RP1: variants seen among roughly 807,000 people sequenced by gnomAD.
The protein encoded by RP1 is oxygen-regulated protein 1.
A neutral mutation model predicts 14.8 loss-of-function variants in RP1; 16 were observed. The ratio of observed to expected loss-of-function variants is 1.08; its 90% CI spans 0.73 to 1.65. RP1 has a LOEUF of 1.65. Among genes scored for constraint, RP1 ranks in the 40% most tolerant of loss-of-function variants. The probability of loss-of-function intolerance (pLI) is 0.00; values close to 1 mark genes in which losing one functional copy is unlikely to be tolerated. For missense variants in RP1, 2,631 were observed against 2,535.0 expected, an observed-to-expected ratio of 1.04 and a Z score of -0.81; for synonymous variants, 876 against 883.6, an observed-to-expected ratio of 0.99 and a Z score of 0.15.
At chr8:54,860,914 G>C (rs146889623) in intron 27 of RP1, among the ~76,000 whole-genome samples, 4 of 152,204 alleles carry the variant, frequency 2.6e-5, no homozygotes, top group Non-Finnish European at 5.9e-5. Context: ...AGGTAGGCTG[G>C]AGGTGAGGGC....
chr8:54,661,258 A>G (rs948992466), intron 6 of RP1, among the ~76,000 whole-genome samples: 1 of 145,132 alleles, frequency 6.9e-6, no homozygotes, highest in Non-Finnish European at 1.5e-5. Context: ...TGATATATAA[A>G]TGATATATAT....
chr8:54,625,436 T>C lies in RP1; in HGVS notation c.1554T>C (p.Val518=). Reference sequence around the variant, plus strand: ...CAGTATCTAACAAACCAGTACTTGTTCAGATCAATAACAATGATCAAATGG... The same window carrying C: ...CAGTATCTAACAAACCAGTACTTGTCCAGATCAATAACAATGATCAAATGG... ...MSSVSNKPVL[V]QINNNDQMEE... The change falls in exon 4 of 4, where the codon GTT becomes GTC. Residue 518 remains valine (V), a synonymous_variant. Coordinates refer to ENST00000220676, the MANE Select transcript of RP1 (RefSeq NM_006269.2). 1 of 1,613,986 alleles carries C rather than the reference T, an allele frequency of 6.2e-7. No individual in the cohort carries two copies. The highest frequency in any genetic ancestry group is 8.5e-7 in the Non-Finnish European group (1 of 1,180,022).
chr8:54,765,684 T>C (rs1809743515), intron 22 of RP1, among the ~76,000 whole-genome samples: 1 of 152,224 alleles, frequency 6.6e-6, no homozygotes. Context: ...TAGCTCATTA[T>C]ATTCTTTCTT....
chr8:54,679,954 TTGTGG>T, intron 12 of RP1: 1 of 1,535,054 alleles, frequency 6.5e-7, no homozygotes, highest in Non-Finnish European at 8.7e-7. Context: ...CGTACAAAGC[TTGTGG>T]TGCTGGACAG....
intron 19 of RP1, among the ~76,000 whole-genome samples, chr8:54,746,109 A>T (rs1809218553): frequency 6.6e-6 from 1 of 152,250 alleles, no homozygotes; most frequent in East Asian, 1.9e-4. Context: ...ATGATCAGCC[A>T]TTTATAGCCA....
In RP1 at chr8:54,706,559, G is replaced by A. The variant is rs772168997; in HGVS notation, c.2115G>A (p.Trp705Ter). 15 of 1,535,908 alleles carry A rather than the reference G, an allele frequency of 9.8e-6. No individual in the cohort carries two copies. The South Asian group carries it at 1.1e-4, about 11-fold the overall frequency. Residue 705 changes from tryptophan (W) to a stop codon, truncating the protein, a stop_gained, in exon 15 of 23, where the codon TGG (tryptophan) becomes TGA (stop). Transcript: ENST00000636932. LOFTEE classifies it high-confidence loss of function. ...GAAGCCAGTCTGAAAAATCCTACTG[G>A]AAAGTGCATAAAATCAGCTCTGGGA...
chr8:54,853,381 A>T (rs1812100422), intron 26 of RP1, among the ~76,000 whole-genome samples: 1 of 152,218 alleles, frequency 6.6e-6, no homozygotes, highest in African/African-American at 2.4e-5. Context: ...AGGAAGACTC[A>T]GTGGAAGTGT....
chr8:54,627,014 A>G lies in RP1; in HGVS notation c.3132A>G (p.Lys1044=), dbSNP rs35234349. The change falls in exon 4 of 4, where the codon AAA becomes AAG. Residue 1044 remains lysine, a synonymous_variant. Coordinates refer to ENST00000220676, the MANE Select transcript of RP1 (RefSeq NM_006269.2). The stretch of plus-strand genomic sequence containing the variant: ...CTAAAAGTCATATAGCTGCTGAAAA[A>G]TCAGGACCAGAGAAAAAACTTGTTT... The part of the protein sequence containing the change: ...HNTKSHIAAE[K]SGPEKKLVYQ... 6.2e-7 allele frequency: 1 copy of G among 1,613,898 alleles called. No individual in the cohort carries two copies.
At chr8:54,824,973 A>ATTTATTTATTT (rs759970980) in intron 24 of RP1, among the ~76,000 whole-genome samples, 2,779 of 150,194 alleles carry the variant, frequency 0.019, 103 homozygotes, top group African/African-American at 0.065. Flanking sequence ...TTTTTTTTTT[A>ATTTATTTATTT]ATTTATTTAT....
chr8:54,680,255 C>A (rs1442403719), intron 12 of RP1, among the ~76,000 whole-genome samples: 5 of 152,102 alleles, frequency 3.3e-5, no homozygotes, highest in Non-Finnish European at 7.4e-5. Flanking sequence ...TTCAGACATT[C>A]ATAATCTAAT....
intron 18 of RP1, chr8:54,734,808 G>A (rs1808879860): frequency 1.8e-6 from 1 of 564,886 alleles, no homozygotes; most frequent in Non-Finnish European, 2.4e-6. Context: ...TAATGTAGAA[G>A]TGTGTGTGTG....
At chr8:54,719,715 T>C (rs1444220468) in intron 15 of RP1, among the ~76,000 whole-genome samples, 1 of 152,140 alleles carries the variant, frequency 6.6e-6, no homozygotes, top group Non-Finnish European at 1.5e-5. Flanking sequence ...GCACAGAAAA[T>C]TGGTTTACAT....
chr8:54,618,458 C>T (rs567526307), intron 1 of RP1, among the ~76,000 whole-genome samples: 1 of 152,240 alleles, frequency 6.6e-6, no homozygotes, highest in African/African-American at 2.4e-5. Context: ...AACAGCTCTC[C>T]AAATAGTGAG....
At chr8:54,794,431 G>A (rs1259687733) in intron 24 of RP1, among the ~76,000 whole-genome samples, 4 of 151,568 alleles carry the variant, frequency 2.6e-5, no homozygotes, top group African/African-American at 7.3e-5. Context: ...ACGACCGTTT[G>A]TCAATATTTG....
At chr8:54,821,987 C>T (rs540612684) in intron 24 of RP1, among the ~76,000 whole-genome samples, 1 of 152,290 alleles carries the variant, frequency 6.6e-6, no homozygotes, top group Admixed American at 6.5e-5. Flanking sequence ...ACAAGGCTTC[C>T]ATTGGCTAAG....
At chr8:54,654,603 C>T (rs1455362774) in intron 5 of RP1, among the ~76,000 whole-genome samples, 3 of 152,158 alleles carry the variant, frequency 2.0e-5, no homozygotes, top group African/African-American at 7.2e-5. Flanking sequence ...ATTCCTGAAC[C>T]TGTCTGAGTC....
chr8:54,677,880 T>C (rs964767747), intron 8 of RP1, among the ~76,000 whole-genome samples: 1 of 152,174 alleles, frequency 6.6e-6, no homozygotes, highest in African/African-American at 2.4e-5. Flanking sequence ...ATTAAAATAT[T>C]TTATGTGTAA....
At chr8:54,705,526 C>A (rs563716389) in intron 14 of RP1, among the ~76,000 whole-genome samples, 1 of 152,294 alleles carries the variant, frequency 6.6e-6, no homozygotes, top group Non-Finnish European at 1.5e-5. Context: ...TCACTTAACA[C>A]TTTCTGACTC....
chr8:54,686,390 T>TG (rs1245761698), intron 12 of RP1, among the ~76,000 whole-genome samples: 1 of 150,514 alleles, frequency 6.6e-6, no homozygotes. Context: ...CAGAAAAAGT[T>TG]TTTTTTTTTT....
Sources: gnomAD v4.1 joint callset for allele counts (sites outside exome capture counted in the v4.1 genomes callset) on GRCh38, gnomAD v4.1.1 for gene constraint, MANE v1.5 for transcripts, NCBI Gene and HGNC (gene_info 2026-07-23, HGNC 2026-07-21) for gene names.